The following C17orf113 variants were observed in gnomAD, a reference collection of about 807,000 sequenced individuals.
C17orf113 encodes uncharacterized protein C17orf113.
Under a neutral mutation model 11.6 loss-of-function variants are expected in C17orf113, and 5 were observed. The observed-to-expected ratio is 0.43, with a 90% confidence interval of 0.23 to 0.91. The LOEUF is 0.91. Among genes scored for constraint, C17orf113 ranks in the 40% least tolerant of loss-of-function variants. The probability of loss-of-function intolerance (pLI) is 0.26; values close to 1 mark genes in which losing one functional copy is unlikely to be tolerated. For synonymous variants in C17orf113, 327 were observed against 390.6 expected (o/e 0.84, Z 1.92); for missense variants, 714 against 841.3 (o/e 0.85, Z 1.87).
At position 42,038,937 on chromosome 17, in the gene C17orf113, A is replaced by G. The variant is rs1479177767; in HGVS notation, c.*768T>C. The G allele has an allele frequency of 6.6e-6, 1 of 152,276 alleles. No individual in the cohort carries two copies. The highest frequency in any genetic ancestry group is 2.4e-5 in the African/African-American group (1 of 41,462). The allele number at this position is 152,276 out of a possible 1,614,324, so 9.4% of individuals were successfully genotyped here. A position where few individuals can be genotyped will look rare whatever the true frequency, so the allele number is the denominator to read the frequency against. ...CCAGTCATAGCTGAAGAGAAGAGAC[A>G]CTGCCAGGAGTGGGGCTAAGAAACA... On this transcript the variant is annotated 3_prime_UTR_variant, in exon 3 of 3. Coordinates refer to ENST00000587304, the MANE Select transcript of C17orf113 (RefSeq NM_001358661.2).
At position 42,039,807 on chromosome 17, in the gene C17orf113, G is replaced by A; in HGVS notation, c.1926C>T (p.Ile642=). 4 of 1,232,052 alleles carry A rather than the reference G, an allele frequency of 3.2e-6. No individual in the cohort carries two copies. The highest frequency in any genetic ancestry group is 4.0e-6 in the Non-Finnish European group (4 of 987,936). The allele number at this position is 1,232,052 out of a possible 1,614,324, so 76.3% of individuals were successfully genotyped here. Residue 642 remains isoleucine (I), a synonymous_variant, in exon 3 of 3, where the codon ATC becomes ATT. Coordinates refer to ENST00000587304, the MANE Select transcript of C17orf113 (RefSeq NM_001358661.2). The stretch of plus-strand genomic sequence containing the variant: ...CGTGCAGCGGGGGCCCATCCACTGC[G>A]ATCTTCACCATGTGGCCCCCCCGGC... ...GEGRGGHMVK[I]AVDGPPLHEF... is the part of the protein sequence containing the mutation.
chr17:42,045,406 T>G (rs2143700885), intron 1 of C17orf113, among the ~76,000 whole-genome samples: 1 of 152,376 alleles, frequency 6.6e-6, no homozygotes, highest in Middle Eastern at 3.4e-3. Flanking sequence ...CATGCCTAAA[T>G]GTAACTACCA....
In C17orf113 at chr17:42,043,486, G is replaced by A. The variant is rs2053077677; in HGVS notation, c.-110C>T. 1 of 973,300 alleles carries A rather than the reference G, an allele frequency of 1.0e-6. No homozygotes were observed. The highest frequency in any genetic ancestry group is 1.7e-5 in the African/African-American group (1 of 59,430). 60.3% of individuals were successfully genotyped at this position (973,300 alleles called of 1,614,324 possible). On this transcript the variant is annotated 5_prime_UTR_variant, in exon 2 of 3. Coordinates refer to ENST00000587304, the MANE Select transcript of C17orf113 (RefSeq NM_001358661.2). ...ACAAGGAGAGTTGATGGGGAGGCAG[G>A]CTGGGGGCAGCCCGCCAGGCTAACA...
rs1555657006 is a variant in C17orf113 at position 42,050,446 on chromosome 17, G to C, written c.-188+111C>G. Reference sequence around the variant, plus strand: ...CCTCTGGGGGGCGCGCGGTGACAGAGCCCTCGGTGGGTCCCGCAGAGGCAC... The same window carrying C: ...CCTCTGGGGGGCGCGCGGTGACAGACCCCTCGGTGGGTCCCGCAGAGGCAC... On this transcript the variant is annotated intron_variant, in intron 1 of 2. Coordinates refer to ENST00000587304, the MANE Select transcript of C17orf113 (RefSeq NM_001358661.2). The surrounding 1 kb of genome is among the most constrained non-coding windows in gnomAD (Gnocchi z 5.6). The C allele has an allele frequency of 6.6e-6, 1 of 152,120 alleles. No individual in the cohort carries two copies. Among genetic ancestry groups the C allele is most frequent in the African/African-American group, 2.4e-5 (1 of 41,428 alleles). 9.4% of individuals were successfully genotyped at this position (152,120 alleles called of 1,614,324 possible).
At position 42,042,911 on chromosome 17, in the gene C17orf113, T is replaced by G. The variant is rs782637661; in HGVS notation, c.466A>C (p.Arg156=). 251 of 1,232,380 alleles carry G rather than the reference T, an allele frequency of 2.0e-4. No homozygotes were observed. Among genetic ancestry groups the G allele is most frequent in the Non-Finnish European group, 2.5e-4 (245 of 988,130 alleles). The allele number at this position is 1,232,380 out of a possible 1,614,324, so 76.3% of individuals were successfully genotyped here. Residue 156 remains arginine (R), a synonymous_variant, in exon 2 of 3, where the codon AGG becomes CGG. Transcript: ENST00000587304. ...DRCSALLELQ[R]FNLCQALLGT... is the part of the protein sequence containing the mutation. ...AGCAGTGCCTGGCACAGGTTGAACC[T>G]CTGCAGCTCGAGCAGGGCAGAGCAG...
intron 1 of C17orf113, among the ~76,000 whole-genome samples, chr17:42,047,236 G>C (rs1368024062): frequency 6.6e-6 from 1 of 152,128 alleles, no homozygotes; most frequent in African/African-American, 2.4e-5. Flanking sequence ...GTTTCACCAT[G>C]TTAGCCAGGA....
At position 42,046,975 on chromosome 17, in the gene C17orf113, G is replaced by A. The variant is rs559797565; in HGVS notation, c.-187-3412C>T. Among the ~76,000 whole-genome samples the A allele has an allele frequency of 2.8e-3, 416 of 149,130 alleles. 2 individuals carry two copies. Among genetic ancestry groups the A allele is most frequent in the African/African-American group, 9.9e-3 (399 of 40,406 alleles). ...CCTCCCGGATTCAAGCGATTCTCCC[G>A]CCTCAGCCTCCCAAGTAACTGGGAT... On this transcript the variant is annotated intron_variant, in intron 1 of 2. Transcript: ENST00000587304.
At chr17:42,044,385 G>A (rs1241026331) in intron 1 of C17orf113, among the ~76,000 whole-genome samples, 2 of 151,258 alleles carry the variant, frequency 1.3e-5, no homozygotes, top group East Asian at 3.9e-4. Flanking sequence ...GGGAGGCCGA[G>A]GCAGGCAGGT....
chr17:42,048,648 C>G (rs2053220413), intron 1 of C17orf113, among the ~76,000 whole-genome samples: 2 of 152,154 alleles, frequency 1.3e-5, no homozygotes, highest in Non-Finnish European at 2.9e-5. Flanking sequence ...GAAACCTGCC[C>G]TTCAATCCCT....
At chr17:42,044,452 A>G (rs2053105932) in intron 1 of C17orf113, among the ~76,000 whole-genome samples, 1 of 151,938 alleles carries the variant, frequency 6.6e-6, no homozygotes, top group African/African-American at 2.4e-5. Context: ...CCCCATCTCT[A>G]CTAAAGGTAA....
Position 42,040,432 on chromosome 17 carries a change from G to C in C17orf113, c.1301C>G (p.Ala434Gly). ...DLALLQPLVM[A>G]AAASLQAQRG... ...CTGAGCTTGGAGGGAGGCCGCAGCC[G>C]CCATCACCAGAGGCTGCAGCAAGGC... The change falls in exon 3 of 3, where the codon GCG becomes GGG. Residue 434 changes from alanine to glycine, a missense_variant. Ala to Gly is a moderately conservative substitution (Grantham distance 60, BLOSUM62 0). Around this residue, in one of 3 missense-constraint regions of C17orf113, gnomAD observed 516 missense variants for 626.6 expected, o/e 0.82. Coordinates refer to ENST00000587304, the MANE Select transcript of C17orf113 (RefSeq NM_001358661.2). 4 of 1,232,102 alleles carry C rather than the reference G, an allele frequency of 3.2e-6. No homozygotes were observed. The highest frequency in any genetic ancestry group is 4.0e-6 in the Non-Finnish European group (4 of 987,954). 76.3% of individuals were successfully genotyped at this position (1,232,102 alleles called of 1,614,324 possible).
At position 42,038,539 on chromosome 17, in the gene C17orf113, A is replaced by G. The variant is rs1465386841; in HGVS notation, c.*1166T>C. On this transcript the variant is annotated 3_prime_UTR_variant, in exon 3 of 3. Coordinates refer to ENST00000587304, the MANE Select transcript of C17orf113 (RefSeq NM_001358661.2). ...TGTGGTTTTGCAGTCTTTGGTCTTA[A>G]AGGTCTGAGGCAAGGGCAGGGGAGG... 6.5e-6 allele frequency: 1 copy of G among 153,170 alleles called. No homozygotes were observed. The highest frequency in any genetic ancestry group is 1.5e-5 in the Non-Finnish European group (1 of 68,778). 9.5% of individuals were successfully genotyped at this position (153,170 alleles called of 1,614,324 possible).
In C17orf113 at chr17:42,040,713, G is replaced by GT. The variant is rs2052997862; in HGVS notation, c.1019dup (p.Asp340GlufsTer6). 1 of 1,232,396 alleles carries GT rather than the reference G, an allele frequency of 8.1e-7. No individual in the cohort carries two copies. 76.3% of individuals were successfully genotyped at this position (1,232,396 alleles called of 1,614,324 possible). On this transcript the variant is annotated frameshift_variant, in exon 3 of 3. Transcript: ENST00000587304. LOFTEE classifies it low-confidence loss of function (END_TRUNC). ...GCCCTGCCAAGTCAATAGCTGCAAG[G>GT]TCCAGTGCTGCCCGGAGCTCAGGGA...
At position 42,043,305 on chromosome 17, in the gene C17orf113, G is replaced by A. The variant is rs138910547; in HGVS notation, c.72C>T (p.Asn24=). Residue 24 remains asparagine, a synonymous_variant, in exon 2 of 3, where the codon AAC becomes AAT. Coordinates refer to ENST00000587304, the MANE Select transcript of C17orf113 (RefSeq NM_001358661.2). ...AGGTAAACTCCTCTTTCCAGTGCTC[G>A]TTGAAGTAACGCTTACACTTCTTGT... ...NSNKKCKRYF[N]EHWKEEFTWL... 6.1e-5 allele frequency: 75 copies of A among 1,232,258 alleles called. 1 individual carries two copies. The African/African-American group carries it at 7.0e-4, about 11-fold the overall frequency. The allele number at this position is 1,232,258 out of a possible 1,614,324, so 76.3% of individuals were successfully genotyped here.
In C17orf113 at chr17:42,039,566, A is replaced by T; in HGVS notation, c.*139T>A. 1 of 779,968 alleles carries T rather than the reference A, an allele frequency of 1.3e-6. No homozygotes were observed. Among genetic ancestry groups the T allele is most frequent in the Non-Finnish European group, 1.7e-6 (1 of 579,818 alleles). 48.3% of individuals were successfully genotyped at this position (779,968 alleles called of 1,614,324 possible). On this transcript the variant is annotated 3_prime_UTR_variant, in exon 3 of 3. Coordinates refer to ENST00000587304, the MANE Select transcript of C17orf113 (RefSeq NM_001358661.2). ...GTGGGGGGGGTTGGTGGGAAGCTCC[A>T]GAAGGGCGGGTGGATGGCCTCAGGC... is the stretch of plus-strand genomic sequence containing the variant.
chr17:42,044,986 T>C (rs569103698), intron 1 of C17orf113, among the ~76,000 whole-genome samples: 2 of 151,850 alleles, frequency 1.3e-5, no homozygotes, highest in African/African-American at 2.4e-5. Flanking sequence ...GGCGCAATCT[T>C]GGCTCACTGC....
chr17:42,049,091 A>C (rs1418804082), intron 1 of C17orf113, among the ~76,000 whole-genome samples: 1 of 151,910 alleles, frequency 6.6e-6, no homozygotes, highest in Non-Finnish European at 1.5e-5. Flanking sequence ...CTTCCTAGTA[A>C]CACCACCCTT....
chr17:42,046,926 G>C lies in C17orf113; in HGVS notation c.-187-3363C>G, dbSNP rs1313471756. On this transcript the variant is annotated intron_variant, in intron 1 of 2. Coordinates refer to ENST00000587304, the MANE Select transcript of C17orf113 (RefSeq NM_001358661.2). ...CACCCAGGCTAGAGTGCAGTGGTGC[G>C]ATCTCAGCTCACTGCAATCTCCACC... 3.3e-5 allele frequency among the ~76,000 whole-genome samples: 5 copies of C among 149,854 alleles called. No homozygotes were observed. The South Asian group carries it at 1.1e-3, about 32-fold the overall frequency.
intron 1 of C17orf113, among the ~76,000 whole-genome samples, chr17:42,048,656 C>T (rs1299238688): frequency 6.6e-6 from 1 of 152,166 alleles, no homozygotes; most frequent in Non-Finnish European, 1.5e-5. Flanking sequence ...CCCTTCAATC[C>T]CTGTTCTCTT....
Sources: gnomAD v4.1 joint callset for allele counts (sites outside exome capture counted in the v4.1 genomes callset) on GRCh38, gnomAD v4.1.1 for gene constraint, gnomAD v4.1.1 regional missense constraint, Gnocchi (gnomAD v3.1) non-coding constraint, MANE v1.5 for transcripts, NCBI Gene and HGNC (gene_info 2026-07-23, HGNC 2026-07-21) for gene names.